Variants in CDH9 observed in about 807,000 individuals in gnomAD.
The protein encoded by CDH9 is cadherin 9.
A neutral mutation model predicts 70.9 loss-of-function variants in CDH9; 28 were observed. That is an observed-to-expected ratio of 0.40 (90% CI 0.29 to 0.54). The LOEUF (loss-of-function observed/expected upper bound fraction) is 0.54. CDH9 is among the 20% of genes least tolerant of loss of function. CDH9 has a pLI of 0.59. For synonymous variants in CDH9, 409 were observed against 343.1 expected (o/e 1.19, Z -2.12); for missense variants, 874 against 984.4 (o/e 0.89, Z 1.50).
At chr5:26,969,786 T>G (rs1016036397) in intron 2 of CDH9, among the ~76,000 whole-genome samples, 1 of 151,890 alleles carries the variant, frequency 6.6e-6, no homozygotes, top group South Asian at 2.1e-4. Context: ...TTCTGTTGAT[T>G]CTCTTTTCCT....
intron 2 of CDH9, among the ~76,000 whole-genome samples, chr5:26,930,812 C>T (rs902523616): frequency 6.6e-6 from 1 of 152,106 alleles, no homozygotes; most frequent in South Asian, 2.1e-4. Flanking sequence ...CATTATAATA[C>T]AATAATGATA....
At chr5:27,013,969 C>T (rs1413461341) in intron 1 of CDH9, among the ~76,000 whole-genome samples, 1 of 151,972 alleles carries the variant, frequency 6.6e-6, no homozygotes, top group Non-Finnish European at 1.5e-5. Flanking sequence ...ATATCTGGCA[C>T]ATGCCCTGGC....
chr5:26,929,712 C>T (rs879732605), intron 2 of CDH9, among the ~76,000 whole-genome samples: 3 of 152,026 alleles, frequency 2.0e-5, no homozygotes, highest in Admixed American at 6.6e-5. Flanking sequence ...AACTGGAGGT[C>T]ATTATGTTAA....
At chr5:26,884,075 T>G (rs1374388893) in intron 11 of CDH9, among the ~76,000 whole-genome samples, 2 of 151,958 alleles carry the variant, frequency 1.3e-5, no homozygotes, top group Non-Finnish European at 2.9e-5. Flanking sequence ...TTAACTACAA[T>G]AATAAAAAAT....
chr5:27,006,926 T>C (rs746504361), intron 1 of CDH9, among the ~76,000 whole-genome samples: 11 of 152,150 alleles, frequency 7.2e-5, no homozygotes, highest in Admixed American at 1.3e-4. Flanking sequence ...ATAGTCTACA[T>C]ACATAACCAG....
intron 2 of CDH9, among the ~76,000 whole-genome samples, chr5:26,956,430 C>G (rs1038548720): frequency 6.6e-6 from 1 of 151,998 alleles, no homozygotes; most frequent in South Asian, 2.1e-4. Context: ...TATAAAAGAC[C>G]AAGTTGGTAT....
intron 1 of CDH9, among the ~76,000 whole-genome samples, chr5:27,016,798 A>G (rs997519168): frequency 6.6e-6 from 1 of 151,870 alleles, no homozygotes; most frequent in African/African-American, 2.4e-5. Flanking sequence ...AGAAGCACAG[A>G]GAAAGTTTAA....
At chr5:26,905,921 G>T (rs1740938143) in intron 5 of CDH9, 38 bp downstream of exon 5, 5 of 1,525,958 alleles carry the variant, frequency 3.3e-6, no homozygotes, top group Non-Finnish European at 3.6e-6. Context: ...GTGTATTTGA[G>T]AAGTTTTTGG....
chr5:26,894,462 T>C (rs1379265412), intron 7 of CDH9, among the ~76,000 whole-genome samples: 3 of 152,052 alleles, frequency 2.0e-5, no homozygotes, highest in Non-Finnish European at 1.5e-5. Context: ...GTTTTTCACT[T>C]TAAGAATTCA....
chr5:26,915,530 T>C (rs1157915487), intron 3 of CDH9, 100 bp downstream of exon 3: 17 of 704,996 alleles, frequency 2.4e-5, no homozygotes, highest in Non-Finnish European at 1.7e-5. Flanking sequence ...TTATAACTCT[T>C]ATTCTGAAAG....
At chr5:26,905,648 A>C (rs947976929) in intron 5 of CDH9, among the ~76,000 whole-genome samples, 6 of 152,162 alleles carry the variant, frequency 3.9e-5, no homozygotes, top group Non-Finnish European at 8.8e-5. Context: ...AGACAATCTC[A>C]GTGAATGATG....
chr5:26,966,439 A>G (rs1053935456), intron 2 of CDH9, among the ~76,000 whole-genome samples: 4 of 152,194 alleles, frequency 2.6e-5, no homozygotes, highest in African/African-American at 9.7e-5. Context: ...ATTCTTCTGA[A>G]CACAGGTCAC....
chr5:26,919,816 A>C (rs12660004), intron 2 of CDH9, among the ~76,000 whole-genome samples: 1 of 151,990 alleles, frequency 6.6e-6, no homozygotes, highest in African/African-American at 2.4e-5. Context: ...TCCTTAAGGG[A>C]AGAATCCAAT....
chr5:26,944,008 C>T (rs1322490621), intron 2 of CDH9, among the ~76,000 whole-genome samples: 1 of 152,160 alleles, frequency 6.6e-6, no homozygotes, highest in African/African-American at 2.4e-5. Flanking sequence ...TAATTCACAA[C>T]AATTGCATTC....
At chr5:26,953,442 C>T (rs1429837646) in intron 2 of CDH9, among the ~76,000 whole-genome samples, 1 of 152,130 alleles carries the variant, frequency 6.6e-6, no homozygotes, top group Non-Finnish European at 1.5e-5. Flanking sequence ...AATCCATATT[C>T]TCGTTTTCTA....
intron 7 of CDH9, among the ~76,000 whole-genome samples, chr5:26,894,983 C>T (rs976538094): frequency 2.6e-5 from 4 of 151,988 alleles, no homozygotes; most frequent in African/African-American, 7.2e-5. Context: ...TTATGTTCTA[C>T]CATTAAAAGT....
At chr5:26,898,761 G>T (rs1453807968) in intron 7 of CDH9, among the ~76,000 whole-genome samples, 1 of 152,062 alleles carries the variant, frequency 6.6e-6, no homozygotes, top group East Asian at 1.9e-4. Context: ...ATAGGCATAG[G>T]CAAAGACTTC....
intron 2 of CDH9, among the ~76,000 whole-genome samples, chr5:26,963,136 G>A (rs756784599): frequency 1.1e-4 from 17 of 152,068 alleles, no homozygotes; most frequent in African/African-American, 3.4e-4. Flanking sequence ...TTATTAAATC[G>A]CATTAGAATT....
At chr5:26,993,698 C>CAAAAAAAAA (rs34545141) in intron 1 of CDH9, among the ~76,000 whole-genome samples, 3 of 50,998 alleles carry the variant, frequency 5.9e-5, no homozygotes, top group African/African-American at 1.7e-4. Context: ...TATTCAGCTG[C>CAAAAAAAAA]AAAAAAAAAA....
Sources: allele counts gnomAD v4.1 joint callset (sites outside exome capture counted in the v4.1 genomes callset), GRCh38; gene constraint gnomAD v4.1.1; transcripts MANE v1.5; gene names NCBI Gene and HGNC (gene_info 2026-07-23, HGNC 2026-07-21).